Variants in TNNI3K observed in about 807,000 individuals in gnomAD.
TNNI3K encodes TNNI3 interacting kinase, also known as serine/threonine-protein kinase TNNI3K.
Under a neutral mutation model 114.5 loss-of-function variants are expected in TNNI3K, and 140 were observed. That is an observed-to-expected ratio of 1.22 (90% CI 1.07 to 1.41). The LOEUF (loss-of-function observed/expected upper bound fraction) is 1.41, where lower values mean the gene tolerates loss of function less well. TNNI3K is among the 40% of genes most tolerant of loss of function. TNNI3K has a pLI of 0.00. For synonymous variants in TNNI3K, 347 were observed against 347.5 expected, an observed-to-expected ratio of 1.00 and a Z score of 0.02; for missense variants, 1,125 against 1,007.6, an observed-to-expected ratio of 1.12 and a Z score of -1.58.
At chr1:74,250,047 C>T (rs1331555710) in intron 3 of TNNI3K, among the ~76,000 whole-genome samples, 1 of 152,134 alleles carries the variant, frequency 6.6e-6, no homozygotes, top group Non-Finnish European at 1.5e-5. Context: ...GGTGCCTGGC[C>T]TGTAATAGCC....
At chr1:74,261,472 TC>T (rs1183258465) in intron 4 of TNNI3K, among the ~76,000 whole-genome samples, 2 of 152,128 alleles carry the variant, frequency 1.3e-5, no homozygotes, top group Non-Finnish European at 2.9e-5. Context: ...ATTTTCTAAT[TC>T]TTTTTGTACC....
intron 5 of TNNI3K, among the ~76,000 whole-genome samples, chr1:74,287,211 G>T (rs1012877933): frequency 6.6e-6 from 1 of 152,134 alleles, no homozygotes; most frequent in African/African-American, 2.4e-5. Flanking sequence ...AAAGCCTACA[G>T]CACTTTTGGT....
chr1:74,500,587 G>A (rs549632597), intron 23 of TNNI3K, among the ~76,000 whole-genome samples: 68 of 102,428 alleles, frequency 6.6e-4, no homozygotes, highest in African/African-American at 2.4e-3. Context: ...CTGGGCGACA[G>A]AGCGAGACTC....
intron 11 of TNNI3K, among the ~76,000 whole-genome samples, chr1:74,362,598 C>T (rs984473500): frequency 1.7e-4 from 26 of 152,206 alleles, no homozygotes; most frequent in African/African-American, 6.0e-4. Context: ...AATTGTACTT[C>T]CCTTCTTGAA....
chr1:74,258,612 A>T (rs576802), intron 4 of TNNI3K, among the ~76,000 whole-genome samples: 130,391 of 152,178 alleles, frequency 0.86, 55,937 homozygotes, highest in Middle Eastern at 0.92. Context: ...CAAAATGATC[A>T]GAATGAAACA....
At chr1:74,480,798 A>G (rs1424914040) in intron 21 of TNNI3K, 3 of 717,594 alleles carry the variant, frequency 4.2e-6, no homozygotes, top group Non-Finnish European at 5.2e-6. Flanking sequence ...TGCTCCAGCA[A>G]CAAGGTCCGC....
chr1:74,475,114 G>GCC lies in TNNI3K; in HGVS notation c.2121+11566_2121+11567dup, dbSNP rs1553150553. 2.5e-3 allele frequency among the ~76,000 whole-genome samples: 178 copies of GCC among 72,308 alleles called. 1 individual carries two copies. Among genetic ancestry groups the GCC allele is most frequent in the African/African-American group, 9.8e-3 (169 of 17,244 alleles). The allele number at this position is 72,308 out of a possible 152,430, so 47.4% of individuals were successfully genotyped here. On this transcript the variant is annotated intron_variant, in intron 21 of 24. Coordinates refer to ENST00000326637, the MANE Select transcript of TNNI3K (RefSeq NM_015978.3). ...GTAAGAACACTTCATCTCCACCTCAGCCCACACACACACACACACACACAC... is the reference window on the plus strand; with the variant it reads ...GTAAGAACACTTCATCTCCACCTCAGCCCCCACACACACACACACACACACAC...
chr1:74,392,019 G>A (rs910915205), intron 17 of TNNI3K, among the ~76,000 whole-genome samples: 22 of 137,128 alleles, frequency 1.6e-4, no homozygotes, highest in Non-Finnish European at 2.9e-4. Context: ...AGGCTGGAGT[G>A]CAGTGGCAGG....
At chr1:74,511,525 G>A (rs562639082) in intron 23 of TNNI3K, among the ~76,000 whole-genome samples, 2 of 152,118 alleles carry the variant, frequency 1.3e-5, no homozygotes, top group South Asian at 2.1e-4. Flanking sequence ...TCCCTATTAC[G>A]CTAGCCTCTT....
At chr1:74,450,925 C>A (rs1429447089) in intron 20 of TNNI3K, among the ~76,000 whole-genome samples, 1 of 152,092 alleles carries the variant, frequency 6.6e-6, no homozygotes, top group Non-Finnish European at 1.5e-5. Flanking sequence ...ATAAATCATT[C>A]TATTATAAAG....
intron 9 of TNNI3K, among the ~76,000 whole-genome samples, chr1:74,352,241 C>T (rs1030240227): frequency 6.6e-6 from 1 of 151,772 alleles, no homozygotes; most frequent in Admixed American, 6.6e-5. Flanking sequence ...CACTCCAGAC[C>T]CTGTTTGCCT....
At chr1:74,309,085 T>C (rs1238440845) in intron 5 of TNNI3K, among the ~76,000 whole-genome samples, 1 of 151,944 alleles carries the variant, frequency 6.6e-6, no homozygotes, top group Non-Finnish European at 1.5e-5. Flanking sequence ...AAAGAAGAGA[T>C]AGGCCGGGCG....
intron 1 of TNNI3K, 43 bp from the exon 2 acceptor site, chr1:74,236,059 A>G: frequency 6.4e-7 from 1 of 1,556,148 alleles, no homozygotes; most frequent in Non-Finnish European, 8.7e-7. Context: ...TACATTTTGC[A>G]AAACACAACT....
intron 17 of TNNI3K, among the ~76,000 whole-genome samples, chr1:74,384,851 G>A (rs1321065805): frequency 6.6e-6 from 1 of 151,940 alleles, no homozygotes; most frequent in Non-Finnish European, 1.5e-5. Flanking sequence ...AGTGATTATT[G>A]GTTGCCTTAA....
At chr1:74,460,794 C>A (rs1011159750) in intron 20 of TNNI3K, among the ~76,000 whole-genome samples, 2 of 152,320 alleles carry the variant, frequency 1.3e-5, no homozygotes, top group East Asian at 3.9e-4. Flanking sequence ...GTGCTTAAAG[C>A]AAAGGGGAGG....
chr1:74,463,359 C>T, intron 20 of TNNI3K, 82 bp from the exon 21 acceptor site: 3 of 1,446,728 alleles, frequency 2.1e-6, no homozygotes, highest in Non-Finnish European at 2.9e-6. Flanking sequence ...ATTTTTAATG[C>T]CTTTTTGTGT....
At chr1:74,296,468 T>C (rs1259681375) in intron 5 of TNNI3K, among the ~76,000 whole-genome samples, 1 of 152,190 alleles carries the variant, frequency 6.6e-6, no homozygotes, top group Non-Finnish European at 1.5e-5. Flanking sequence ...TAATATAGAC[T>C]ATTTATTTAG....
chr1:74,274,765 A>AT (rs773982824), intron 5 of TNNI3K, among the ~76,000 whole-genome samples: 1 of 152,056 alleles, frequency 6.6e-6, no homozygotes, highest in African/African-American at 2.4e-5. Context: ...TGGAAAGTGC[A>AT]TTTAACACAC....
chr1:74,489,218 G>C lies in TNNI3K; in HGVS notation c.2151G>C (p.Met717Ile). 6.2e-7 allele frequency: 1 copy of C among 1,611,930 alleles called. No individual in the cohort carries two copies. Among genetic ancestry groups the C allele is most frequent in the Admixed American group, 1.7e-5 (1 of 59,688 alleles). Reference sequence around the variant, plus strand: ...GACCCGAATTTTCTGAAGTTGTCATGAAGTTAGAAGAGTGTCTCTGCAACA... The same window carrying C: ...GACCCGAATTTTCTGAAGTTGTCATCAAGTTAGAAGAGTGTCTCTGCAACA... Reference protein sequence around the residue: ...EGRPEFSEVVMKLEECLCNIE... With the variant: ...EGRPEFSEVVIKLEECLCNIE... The change falls in exon 22 of 25, where the codon ATG becomes ATC. Residue 717 changes from methionine to isoleucine, a missense_variant. Met to Ile is a conservative substitution (Grantham distance 10). Transcript: ENST00000326637.
Sources: allele counts gnomAD v4.1 joint callset (sites outside exome capture counted in the v4.1 genomes callset), GRCh38; gene constraint gnomAD v4.1.1; transcripts MANE v1.5; gene names NCBI Gene and HGNC (gene_info 2026-07-23, HGNC 2026-07-21).